RASGRF1: variants seen among roughly 807,000 people sequenced by gnomAD.
RASGRF1 encodes the protein ras-specific guanine nucleotide-releasing factor 1.
Under a neutral mutation model 138.7 loss-of-function variants are expected in RASGRF1, and 40 were observed. The observed-to-expected ratio is 0.29, with a 90% CI of 0.22 to 0.38. The LOEUF (loss-of-function observed/expected upper bound fraction) is 0.38. RASGRF1 is among the 10% of genes least tolerant of loss of function. RASGRF1 has a pLI of 1.00. For missense variants in RASGRF1, 1,108 were observed against 1,650.4 expected (o/e 0.67, Z 5.69); for synonymous variants, 614 against 663.2 (o/e 0.93, Z 1.14).
intron 1 of RASGRF1, among the ~76,000 whole-genome samples, chr15:79,083,501 T>G (rs1435553809): frequency 1.3e-5 from 2 of 152,174 alleles, no homozygotes; most frequent in Non-Finnish European, 2.9e-5. Flanking sequence ...GCTCAGGGGA[T>G]TCAGAGTTGC....
intron 15 of RASGRF1, among the ~76,000 whole-genome samples, chr15:79,003,598 C>T (rs183076333): frequency 4.9e-4 from 75 of 152,354 alleles, no homozygotes; most frequent in Middle Eastern, 3.4e-3. Flanking sequence ...TGCCTCCCCC[C>T]GCAGCCTGGG....
intron 19 of RASGRF1, among the ~76,000 whole-genome samples, chr15:78,996,619 A>G (rs4778766): frequency 0.14 from 21,950 of 152,048 alleles, 1,644 homozygotes; most frequent in Admixed American, 0.16. Flanking sequence ...CTCTTTCATC[A>G]CACCCAGGGA....
chr15:78,969,659 ACT>A (rs1456269645), intron 26 of RASGRF1, among the ~76,000 whole-genome samples: 5 of 151,836 alleles, frequency 3.3e-5, no homozygotes, highest in Non-Finnish European at 5.9e-5. Context: ...ACAGAGTAAG[ACT>A]CTGTCTTAAA....
chr15:79,037,824 T>A (rs896735120), intron 5 of RASGRF1, among the ~76,000 whole-genome samples: 6 of 152,030 alleles, frequency 3.9e-5, no homozygotes, highest in Non-Finnish European at 7.4e-5. Context: ...TAATTTAGAA[T>A]CAATGGGAGC....
At chr15:78,997,935 G>T (rs541560075) in intron 19 of RASGRF1, 161 bp downstream of exon 19, 2 of 622,220 alleles carry the variant, frequency 3.2e-6, no homozygotes, top group Non-Finnish European at 5.7e-6. Flanking sequence ...CCCTGAGCCT[G>T]CCCCCAAGAG....
chr15:79,040,004 G>A (rs1262207538), intron 5 of RASGRF1, among the ~76,000 whole-genome samples: 1 of 152,104 alleles, frequency 6.6e-6, no homozygotes, highest in East Asian at 1.9e-4. Flanking sequence ...CCTGGCTAAA[G>A]CAATCCTTCT....
At position 78,978,848 on chromosome 15, in the gene RASGRF1, AAGCTCTT is replaced by A; in HGVS notation, c.3494+1765_3494+1771del. On this transcript the variant is annotated intron_variant, in intron 24 of 26. Coordinates refer to ENST00000558480, the MANE Select transcript of RASGRF1 (RefSeq NM_001145648.3). ...GCAAGTCCAGAACCTGGTTTGCATA[AAGCTCTT>A]AGCTTCCAGAGGCCCGCAGGCCACC... The A allele has an allele frequency of 2.5e-6, 3 of 1,185,530 alleles. No homozygotes were observed. The South Asian group carries it at 4.8e-5, about 19-fold the overall frequency. 73.4% of individuals were successfully genotyped at this position (1,185,530 alleles called of 1,614,324 possible).
intron 17 of RASGRF1, 116 bp downstream of exon 17, chr15:78,999,627 C>T (rs369867508): frequency 1.5e-6 from 2 of 1,312,692 alleles, no homozygotes; most frequent in Admixed American, 2.1e-5. Flanking sequence ...CCTGTGCCAT[C>T]CTTAGCACAC....
chr15:78,974,626 C>G (rs1056607601), intron 24 of RASGRF1, among the ~76,000 whole-genome samples: 1 of 152,158 alleles, frequency 6.6e-6, no homozygotes, highest in Non-Finnish European at 1.5e-5. Context: ...TGGATTTTTA[C>G]TTTTTTCCCT....
intron 13 of RASGRF1, among the ~76,000 whole-genome samples, chr15:79,014,789 C>A (rs1042392453): frequency 6.6e-6 from 1 of 151,938 alleles, no homozygotes; most frequent in African/African-American, 2.4e-5. Context: ...TGGTGGCACA[C>A]GCCTGTAGTT....
At chr15:78,964,185 T>G (rs2055599546) in intron 26 of RASGRF1, among the ~76,000 whole-genome samples, 1 of 152,078 alleles carries the variant, frequency 6.6e-6, no homozygotes, top group Non-Finnish European at 1.5e-5. Context: ...TATTTATTTT[T>G]TTTTTTGAGG....
In RASGRF1 at chr15:79,040,180, TAGC is replaced by T. The variant is rs561412431; in HGVS notation, c.879-4973_879-4971del. Among the ~76,000 whole-genome samples the T allele has an allele frequency of 1.3e-3, 193 of 152,220 alleles. 2 individuals carry two copies. The highest frequency in any genetic ancestry group is 4.5e-3 in the African/African-American group (186 of 41,536). The stretch of plus-strand genomic sequence containing the variant: ...TTCTCCTCCTTCTCTTCTCATTAAA[TAGC>T]AGCCCTTCCCACCAGCCTCTCAGAC... On this transcript the variant is annotated intron_variant, in intron 5 of 26. Transcript: ENST00000558480.
rs565270805 is a variant in RASGRF1 at position 78,988,765 on chromosome 15, A to G, written c.3216+1424T>C. Among the ~76,000 whole-genome samples, 8 of 150,678 alleles carry G rather than the reference A, an allele frequency of 5.3e-5. No homozygotes were observed. In the East Asian group the frequency reaches 1.4e-3, roughly 26 times the overall value. On this transcript the variant is annotated intron_variant, in intron 22 of 26. Transcript: ENST00000558480. Reference sequence around the variant, plus strand: ...TGCAACTGTTCTCAGGGCTGTCACGAGGCTGGGAGTGGACCCGGCTCTGTG... The same window carrying G: ...TGCAACTGTTCTCAGGGCTGTCACGGGGCTGGGAGTGGACCCGGCTCTGTG...
At position 79,027,930 on chromosome 15, in the gene RASGRF1, C is replaced by T. The variant is rs867106791; in HGVS notation, c.1263-71G>A. On this transcript the variant is annotated intron_variant, in intron 8 of 26. Transcript: ENST00000558480. The surrounding 1 kb of genome is among the most constrained non-coding windows in gnomAD (Gnocchi z 4.8). ...TTCCCAGGGAGGCGAGAATGCCAGGCTTCTGGCCAGACCTAGGAAGAAAGC... is the reference window on the plus strand; with the variant it reads ...TTCCCAGGGAGGCGAGAATGCCAGGTTTCTGGCCAGACCTAGGAAGAAAGC... 93 of 1,480,932 alleles carry T rather than the reference C, an allele frequency of 6.3e-5. No individual in the cohort carries two copies. The African/African-American group carries it at 1.0e-3, about 16-fold the overall frequency. 91.7% of individuals were successfully genotyped at this position (1,480,932 alleles called of 1,614,324 possible). A position where few individuals can be genotyped will look rare whatever the true frequency, so the allele number is the denominator to read the frequency against.
intron 21 of RASGRF1, among the ~76,000 whole-genome samples, chr15:78,991,004 G>A (rs1169290156): frequency 1.3e-5 from 2 of 152,194 alleles, no homozygotes; most frequent in East Asian, 1.9e-4. Context: ...ATTCAAATCC[G>A]GTGAGCCCAA....
At chr15:79,003,340 G>A (rs541681430) in intron 15 of RASGRF1, among the ~76,000 whole-genome samples, 25 of 152,330 alleles carry the variant, frequency 1.6e-4, no homozygotes, top group African/African-American at 4.1e-4. Context: ...CAAGCCATTC[G>A]TATCAGGTGT....
intron 3 of RASGRF1, among the ~76,000 whole-genome samples, chr15:79,053,692 C>T (rs780083347): frequency 1.2e-4 from 18 of 152,318 alleles, no homozygotes; most frequent in Admixed American, 1.0e-3. Flanking sequence ...TCGGCATGAT[C>T]TCCTGTTAAC....
At position 79,068,471 on chromosome 15, in the gene RASGRF1, CTATA is replaced by C. The variant is rs55712182; in HGVS notation, c.277-3949_277-3946del. Among the ~76,000 whole-genome samples the C allele has an allele frequency of 1.5e-3, 184 of 124,962 alleles. No homozygotes were observed. The East Asian group carries it at 0.02, about 13-fold the overall frequency. 82.0% of individuals were successfully genotyped at this position (124,962 alleles called of 152,430 possible). ...AGCTGGGCTCAAGGTCTTTTTGAGC[CTATA>C]TATATATATATATATATACACACAC... On this transcript the variant is annotated intron_variant, in intron 1 of 26. Coordinates refer to ENST00000558480, the MANE Select transcript of RASGRF1 (RefSeq NM_001145648.3).
At position 79,064,462 on chromosome 15, in the gene RASGRF1, G is replaced by T; in HGVS notation, c.341C>A (p.Ala114Glu). The T allele has an allele frequency of 5.0e-6, 8 of 1,614,190 alleles. No homozygotes were observed. Among genetic ancestry groups the T allele is most frequent in the Non-Finnish European group, 6.8e-6 (8 of 1,180,020 alleles). The stretch of plus-strand genomic sequence containing the variant: ...TGCCACCCATTCGTCACAATCTTTT[G>T]CGTCCTCTGTCCTCAGCTCCAAGGC... Reference protein sequence around the residue: ...QKALELRTEDAKDCDEWVAAI... With the variant: ...QKALELRTEDEKDCDEWVAAI... Residue 114 changes from alanine to glutamate, a missense_variant, in exon 2 of 27, where the codon GCA becomes GAA. By Grantham distance (107) the Ala-to-Glu change is moderately radical. This residue lies in a region of RASGRF1 where 253 missense variants were observed against 329.5 expected (regional missense o/e 0.77). Transcript: ENST00000558480.
Sources: allele counts gnomAD v4.1 joint callset (sites outside exome capture counted in the v4.1 genomes callset), GRCh38; gene constraint gnomAD v4.1.1; regional missense constraint gnomAD v4.1.1; non-coding constraint Gnocchi (gnomAD v3.1); transcripts MANE v1.5; gene names NCBI Gene and HGNC (gene_info 2026-07-23, HGNC 2026-07-21).